JMJD1C: variants seen among roughly 807,000 people sequenced by gnomAD.
JMJD1C encodes jumonji domain-containing protein 1C.
A neutral mutation model predicts 245.3 loss-of-function variants in JMJD1C; 31 were observed. The ratio of observed to expected loss-of-function variants is 0.13; its 90% confidence interval spans 0.09 to 0.17. The LOEUF (loss-of-function observed/expected upper bound fraction) is 0.17. JMJD1C is among the 10% of genes least tolerant of loss of function. JMJD1C has a pLI of 1.00. For missense variants in JMJD1C, 2,691 were observed against 3,000.2 expected, an observed-to-expected ratio of 0.90 and a Z score of 2.41; for synonymous variants, 1,057 against 1,017.4, an observed-to-expected ratio of 1.04 and a Z score of -0.74.
At position 63,349,100 on chromosome 10, in the gene JMJD1C, C is replaced by CAAAAAAAAAAA. The variant is rs71463516; in HGVS notation, c.333+31207_333+31217dup. Among the ~76,000 whole-genome samples the CAAAAAAAAAAA allele has an allele frequency of 6.0e-4, 21 of 34,866 alleles. 3 individuals are homozygous for CAAAAAAAAAAA. The highest frequency in any genetic ancestry group is 1.1e-3 in the African/African-American group (9 of 8,280). The allele number at this position is 34,866 out of a possible 152,430, so 22.9% of individuals were successfully genotyped here. On this transcript the variant is annotated intron_variant, in intron 2 of 25. Transcript: ENST00000399262. ...TGGGTGACAGAGTGAGACTCTGTCT[C>CAAAAAAAAAAA]AAAAAAAAAAAAAAAAAAAAAAAAA...
At chr10:63,374,424 C>G (rs1161311974) in intron 2 of JMJD1C, among the ~76,000 whole-genome samples, 3 of 152,104 alleles carry the variant, frequency 2.0e-5, no homozygotes, top group Admixed American at 1.3e-4. Context: ...AGATAAACTG[C>G]AAATAAATAA....
intron 1 of JMJD1C, among the ~76,000 whole-genome samples, chr10:63,436,591 T>C (rs1951070785): frequency 6.6e-6 from 1 of 152,202 alleles, no homozygotes; most frequent in Non-Finnish European, 1.5e-5. Context: ...TCAATATTAT[T>C]TCTGTCCTAG....
chr10:63,189,245 T>G lies in JMJD1C; in HGVS notation c.6493A>C (p.Lys2165Gln). The G allele has an allele frequency of 6.2e-7, 1 of 1,613,172 alleles. No individual in the cohort carries two copies. The highest frequency in any genetic ancestry group is 8.5e-7 in the Non-Finnish European group (1 of 1,179,292). The part of the protein sequence containing the change: ...SDIPHSWICE[K>Q]HILWLKDYKN... ...TAATCCTTAAGCCATAAAATATGCT[T>G]CTCACAGATCCAAGAATGTGGTATA... Residue 2165 changes from lysine (K) to glutamine (Q), a missense_variant, in exon 18 of 26, where the codon AAG becomes CAG. Around this residue, in one of 9 missense-constraint regions of JMJD1C, gnomAD observed 275 missense variants for 285.5 expected, o/e 0.96. Coordinates refer to ENST00000399262, the MANE Select transcript of JMJD1C (RefSeq NM_032776.3).
chr10:63,298,527 G>A (rs889938175), intron 2 of JMJD1C, among the ~76,000 whole-genome samples: 2 of 151,994 alleles, frequency 1.3e-5, no homozygotes, highest in African/African-American at 4.8e-5. Flanking sequence ...TCTCTTATAA[G>A]AACCCTAGAT....
intron 1 of JMJD1C, among the ~76,000 whole-genome samples, chr10:63,494,697 C>T (rs761672257): frequency 2.0e-4 from 31 of 152,164 alleles, no homozygotes; most frequent in Non-Finnish European, 4.1e-4. Flanking sequence ...AAAGTACACA[C>T]ATAGTAATAT....
chr10:63,226,826 G>A (rs563745550), intron 3 of JMJD1C, among the ~76,000 whole-genome samples: 1 of 152,108 alleles, frequency 6.6e-6, no homozygotes, highest in Admixed American at 6.6e-5. Context: ...GGGAAGCCGA[G>A]GTGGGTGGAT....
intron 2 of JMJD1C, among the ~76,000 whole-genome samples, chr10:63,313,689 T>C (rs980116311): frequency 6.6e-6 from 1 of 152,238 alleles, no homozygotes; most frequent in African/African-American, 2.4e-5. Context: ...TGATCATTAG[T>C]GATGTTGAGC....
intron 1 of JMJD1C, among the ~76,000 whole-genome samples, chr10:63,455,226 A>G (rs559064992): frequency 1.3e-5 from 2 of 152,302 alleles, no homozygotes; most frequent in South Asian, 2.1e-4. Context: ...CCAGTCAAAA[A>G]AGTTAATAAA....
At position 63,189,054 on chromosome 10, in the gene JMJD1C, A is replaced by G. The variant is rs545162830; in HGVS notation, c.6570+114T>C. ...TACTTTTATATCTTATTGTCCCCCAAATGTGTTAACCACTATTTTTCCCCC... is the reference window on the plus strand; with the variant it reads ...TACTTTTATATCTTATTGTCCCCCAGATGTGTTAACCACTATTTTTCCCCC... On this transcript the variant is annotated intron_variant, in intron 18 of 25. Coordinates refer to ENST00000399262, the MANE Select transcript of JMJD1C (RefSeq NM_032776.3). The G allele has an allele frequency of 1.3e-4, 104 of 825,890 alleles. No individual in the cohort carries two copies. The East Asian group carries it at 1.9e-3, about 15-fold the overall frequency. The allele number at this position is 825,890 out of a possible 1,614,324, so 51.2% of individuals were successfully genotyped here.
chr10:63,189,457 AAAAAC>A lies in JMJD1C; in HGVS notation c.6292-16_6292-12del. The A allele has an allele frequency of 6.3e-7, 1 of 1,576,896 alleles. No individual in the cohort carries two copies. The highest frequency in any genetic ancestry group is 8.6e-7 in the Non-Finnish European group (1 of 1,167,940). The stretch of plus-strand genomic sequence containing the variant: ...TCCACTTTTGCTACTCTATTAAGGA[AAAAAC>A]AAAACAAAAAAAACCTGTTTTTGAG... On this transcript the variant is annotated splice_polypyrimidine_tract_variant and intron_variant, in intron 17 of 25. Transcript: ENST00000399262.
rs912681879 is a variant in JMJD1C at position 63,465,832 on chromosome 10, G to A, written c.-170C>T. The A allele has an allele frequency of 2.1e-5, 16 of 760,774 alleles. No homozygotes were observed. Among genetic ancestry groups the A allele is most frequent in the East Asian group, 5.3e-5 (2 of 37,578 alleles). 47.1% of individuals were successfully genotyped at this position (760,774 alleles called of 1,614,324 possible). Reference sequence around the variant, plus strand: ...GCTCTGCCCCGGACACAGCGACCTCGGGCCCTCCCCGCAAACACTCCTTTG... The same window carrying A: ...GCTCTGCCCCGGACACAGCGACCTCAGGCCCTCCCCGCAAACACTCCTTTG... On this transcript the variant is annotated 5_prime_UTR_variant, in exon 1 of 26. Coordinates refer to ENST00000399262, the MANE Select transcript of JMJD1C (RefSeq NM_032776.3).
intron 3 of JMJD1C, among the ~76,000 whole-genome samples, chr10:63,263,080 G>A (rs766367677): frequency 9.9e-5 from 15 of 151,986 alleles, no homozygotes; most frequent in Non-Finnish European, 2.2e-4. Flanking sequence ...ACTGACTGGG[G>A]GAAATGAAAT....
At chr10:63,289,440 T>C (rs866251860) in intron 2 of JMJD1C, among the ~76,000 whole-genome samples, 1 of 152,232 alleles carries the variant, frequency 6.6e-6, no homozygotes, top group Non-Finnish European at 1.5e-5. Context: ...AATTTGTGGA[T>C]GGAAATATCA....
intron 1 of JMJD1C, among the ~76,000 whole-genome samples, chr10:63,476,611 G>A (rs1053402361): frequency 6.6e-6 from 1 of 152,030 alleles, no homozygotes; most frequent in Admixed American, 6.6e-5. Flanking sequence ...TGCAGCCCAA[G>A]CTACTTGGGA....
intron 2 of JMJD1C, among the ~76,000 whole-genome samples, chr10:63,347,583 C>CA (rs551998323): frequency 0.015 from 979 of 65,102 alleles, 3 homozygotes; most frequent in Non-Finnish European, 0.018. Context: ...GAGTCCATCT[C>CA]AAAAAAAAAA....
intron 25 of JMJD1C, 56 bp from the exon 26 acceptor site, chr10:63,168,190 A>G: frequency 7.8e-7 from 1 of 1,282,628 alleles, no homozygotes; most frequent in East Asian, 2.3e-5. Context: ...TTAATTAAAA[A>G]ATGACAACTT....
chr10:63,507,426 C>T (rs1018917000), intron 1 of JMJD1C, among the ~76,000 whole-genome samples: 8 of 151,722 alleles, frequency 5.3e-5, no homozygotes, highest in East Asian at 3.9e-4. Context: ...GGGGGATCAC[C>T]GGAAGTCAGG....
rs184624760 is a variant in JMJD1C, at chr10:63,393,193, G to C, written c.169-12711C>G. On this transcript the variant is annotated intron_variant, in intron 1 of 25. Coordinates refer to ENST00000399262, the MANE Select transcript of JMJD1C (RefSeq NM_032776.3). ...TGAGGTGGGAGAATCACTTGAGCCT[G>C]AGTTGATGAGGCTGAAGTGACCTGT... is the stretch of plus-strand genomic sequence containing the variant. Among the ~76,000 whole-genome samples the C allele has an allele frequency of 2.6e-5, 4 of 152,204 alleles. No individual in the cohort carries two copies. In the East Asian group the frequency reaches 7.7e-4, roughly 29 times the overall value.
intron 25 of JMJD1C, 59 bp downstream of exon 25, chr10:63,168,376 T>G: frequency 2.0e-6 from 3 of 1,521,784 alleles, no homozygotes; most frequent in Non-Finnish European, 2.7e-6. Context: ...GTTATACATG[T>G]ATCATATTTC....
Sources: gnomAD v4.1 joint callset for allele counts (sites outside exome capture counted in the v4.1 genomes callset) on GRCh38, gnomAD v4.1.1 for gene constraint, gnomAD v4.1.1 regional missense constraint, MANE v1.5 for transcripts, NCBI Gene and HGNC (gene_info 2026-07-23, HGNC 2026-07-21) for gene names.